The following CNTNAP2 variants were observed in gnomAD, a reference collection of about 807,000 sequenced individuals.
CNTNAP2 encodes the protein contactin associated protein 2, also known as contactin-associated protein-like 2.
A neutral mutation model predicts 155.2 loss-of-function variants in CNTNAP2; 98 were observed. The observed-to-expected ratio is 0.63, with a 90% CI of 0.54 to 0.75. The LOEUF is 0.75. Ranked by LOEUF, CNTNAP2 falls within the 30% of genes least tolerant of loss-of-function variation. CNTNAP2 has a pLI of 0.00. For missense variants in CNTNAP2, 1,727 were observed against 1,688.1 expected, an observed-to-expected ratio of 1.02 and a Z score of -0.40; for synonymous variants, 651 against 631.2, an observed-to-expected ratio of 1.03 and a Z score of -0.47.
chr7:146,413,034 T>TA (rs1368905018), intron 1 of CNTNAP2, among the ~76,000 whole-genome samples: 1 of 152,188 alleles, frequency 6.6e-6, no homozygotes, highest in African/African-American at 2.4e-5. Context: ...ATCAGGCTAT[T>TA]ACAGTTACAC....
At chr7:147,748,355 A>AAGATGTACATTT (rs549572134) in intron 13 of CNTNAP2, among the ~76,000 whole-genome samples, 151 of 152,246 alleles carry the variant, frequency 9.9e-4, no homozygotes, top group African/African-American at 3.5e-3. Flanking sequence ...CATGCACATT[A>AAGATGTACATTT]AGATGTGATG....
chr7:146,215,348 A>T (rs1219229282), intron 1 of CNTNAP2, among the ~76,000 whole-genome samples: 3 of 152,204 alleles, frequency 2.0e-5, no homozygotes, highest in Non-Finnish European at 4.4e-5. Flanking sequence ...ATTTCTTATA[A>T]GAAGGATATA....
chr7:147,461,063 A>C (rs1050990795), intron 10 of CNTNAP2, among the ~76,000 whole-genome samples: 2 of 152,222 alleles, frequency 1.3e-5, no homozygotes, highest in Admixed American at 1.3e-4. Context: ...GGAAAATGTT[A>C]AAGACTCTCA....
At chr7:146,483,499 G>A (rs1193864337) in intron 1 of CNTNAP2, among the ~76,000 whole-genome samples, 1 of 149,890 alleles carries the variant, frequency 6.7e-6, no homozygotes, top group Non-Finnish European at 1.5e-5. Flanking sequence ...GCTTGTTTGT[G>A]TGTGTGTGTG....
In CNTNAP2 at chr7:146,712,075, C is replaced by T. The variant is rs377741957; in HGVS notation, c.98-62196C>T. 3.4e-3 allele frequency among the ~76,000 whole-genome samples: 303 copies of T among 88,824 alleles called. 3 individuals are homozygous for T. The highest frequency in any genetic ancestry group is 9.7e-3 in the African/African-American group (192 of 19,744). The allele number at this position is 88,824 out of a possible 152,430, so 58.3% of individuals were successfully genotyped here. A position where few individuals can be genotyped will look rare whatever the true frequency, so the allele number is the denominator to read the frequency against. On this transcript the variant is annotated intron_variant, in intron 1 of 23. Transcript: ENST00000361727. ...TCTTATGTATACTATATAGTATACA[C>T]ATCTTATGTATACTATATAGTATAC... is the stretch of plus-strand genomic sequence containing the variant.
intron 8 of CNTNAP2, among the ~76,000 whole-genome samples, chr7:147,220,902 A>C (rs1406742206): frequency 6.6e-6 from 1 of 151,850 alleles, no homozygotes; most frequent in South Asian, 2.1e-4. Context: ...TTTAGTTGAG[A>C]TGGGGTTTTG....
At chr7:147,455,325 C>T (rs1194182616) in intron 10 of CNTNAP2, among the ~76,000 whole-genome samples, 1 of 152,052 alleles carries the variant, frequency 6.6e-6, no homozygotes, top group Admixed American at 6.6e-5. Context: ...ACAATTATTA[C>T]TAAAAATATA....
At chr7:147,785,494 G>C (rs754963988) in intron 13 of CNTNAP2, among the ~76,000 whole-genome samples, 25 of 152,194 alleles carry the variant, frequency 1.6e-4, no homozygotes, top group Admixed American at 5.2e-4. Context: ...GTTGAAGAGG[G>C]ACCAGGAAGG....
At chr7:146,469,610 C>A (rs146034325) in intron 1 of CNTNAP2, among the ~76,000 whole-genome samples, 113 of 149,124 alleles carry the variant, frequency 7.6e-4, no homozygotes, top group Non-Finnish European at 1.2e-3. Flanking sequence ...GCAACCTCTG[C>A]TTTTTTGGTT....
intron 1 of CNTNAP2, among the ~76,000 whole-genome samples, chr7:146,466,201 T>C (rs938281081): frequency 6.6e-6 from 1 of 152,196 alleles, no homozygotes; most frequent in African/African-American, 2.4e-5. Context: ...TTCACTTCCC[T>C]TTCTTTTTGG....
At chr7:148,148,719 C>T (rs754766411) in intron 17 of CNTNAP2, among the ~76,000 whole-genome samples, 40 of 152,146 alleles carry the variant, frequency 2.6e-4, no homozygotes, top group Non-Finnish European at 4.7e-4. Context: ...GCTTGAAGAG[C>T]GGTAGAATGT....
intron 7 of CNTNAP2, among the ~76,000 whole-genome samples, chr7:147,131,772 A>G (rs965887225): frequency 6.6e-6 from 1 of 152,088 alleles, no homozygotes; most frequent in African/African-American, 2.4e-5. Context: ...AGTTTCATAA[A>G]TTGCAAACAT....
chr7:148,209,846 A>G (rs1795512766), intron 18 of CNTNAP2, among the ~76,000 whole-genome samples: 1 of 152,078 alleles, frequency 6.6e-6, no homozygotes, highest in Non-Finnish European at 1.5e-5. Flanking sequence ...ACTTCCTACT[A>G]TGGTCTCCCC....
chr7:147,938,734 T>C (rs1050556713), intron 14 of CNTNAP2, among the ~76,000 whole-genome samples: 1 of 152,192 alleles, frequency 6.6e-6, no homozygotes, highest in Non-Finnish European at 1.5e-5. Flanking sequence ...GTAGGTCTCA[T>C]GTGAATCTGC....
chr7:146,948,231 G>A (rs2098797919), intron 3 of CNTNAP2, among the ~76,000 whole-genome samples: 1 of 151,708 alleles, frequency 6.6e-6, no homozygotes, highest in African/African-American at 2.4e-5. Context: ...TTTGCATATT[G>A]CATGTGATAT....
chr7:146,816,327 C>T (rs1355295274), intron 2 of CNTNAP2, among the ~76,000 whole-genome samples: 1 of 152,036 alleles, frequency 6.6e-6, no homozygotes, highest in Non-Finnish European at 1.5e-5. Context: ...AGAGAGGAGG[C>T]AGAGAAGAAA....
Position 147,237,645 on chromosome 7 carries a change from A to G in CNTNAP2, c.1349-62496A>G, listed in dbSNP as rs368612996. Among the ~76,000 whole-genome samples, 167 of 152,324 alleles carry G rather than the reference A, an allele frequency of 1.1e-3. 1 individual carries two copies. Among genetic ancestry groups the G allele is most frequent in the African/African-American group, 2.1e-3 (88 of 41,570 alleles). ...ATTCACTTGTGCATTTCCAGTTTCT[A>G]TTAAAGATTAACATGGAATAAATTC... On this transcript the variant is annotated intron_variant, in intron 8 of 23. Transcript: ENST00000361727.
At chr7:147,471,134 C>A (rs1033406614) in intron 10 of CNTNAP2, among the ~76,000 whole-genome samples, 15 of 152,130 alleles carry the variant, frequency 9.9e-5, no homozygotes, top group African/African-American at 3.6e-4. Context: ...AAAGCCTAAT[C>A]ACCTGTCAGA....
At chr7:146,275,519 G>A (rs368773316) in intron 1 of CNTNAP2, among the ~76,000 whole-genome samples, 3 of 152,166 alleles carry the variant, frequency 2.0e-5, no homozygotes, top group Non-Finnish European at 2.9e-5. Flanking sequence ...GCTTCAGTCT[G>A]TATTTCTGTA....
Sources: gnomAD v4.1 joint callset for allele counts (sites outside exome capture counted in the v4.1 genomes callset) on GRCh38, gnomAD v4.1.1 for gene constraint, MANE v1.5 for transcripts, NCBI Gene and HGNC (gene_info 2026-07-23, HGNC 2026-07-21) for gene names.